PIK3AP1: variants seen among roughly 807,000 people sequenced by gnomAD.
PIK3AP1 encodes the protein phosphoinositide-3-kinase adaptor protein 1, also known as phosphoinositide 3-kinase adapter protein 1.
PIK3AP1 carries 21 observed loss-of-function variants against 88.1 expected under a neutral mutation model. That is an observed-to-expected ratio of 0.24 (90% CI 0.17 to 0.34). The LOEUF (loss-of-function observed/expected upper bound fraction) is 0.34. Ranked by LOEUF, PIK3AP1 falls within the 10% of genes least tolerant of loss-of-function variation. PIK3AP1 has a pLI of 1.00. For missense variants in PIK3AP1, 828 were observed against 1,035.7 expected (o/e 0.80, Z 2.75); for synonymous variants, 398 against 400.0 (o/e 1.00, Z 0.06).
In PIK3AP1 at chr10:96,709,844, G is replaced by A. The variant is rs1554963337; in HGVS notation, c.153C>T (p.Ala51=). 1 of 1,613,944 alleles carries A rather than the reference G, an allele frequency of 6.2e-7. No individual in the cohort carries two copies. Among genetic ancestry groups the A allele is most frequent in the Non-Finnish European group, 8.5e-7 (1 of 1,179,984 alleles). ...GGCTTAGGTCCTCTGCCGAGAAGGA[G>A]GCCTCGGGGCCCAGCCTGTGAGTCA... ...KILTHRLGPE[A]SFSAEDLSLF... is the part of the protein sequence containing the mutation. Residue 51 remains alanine, a synonymous_variant, in exon 2 of 17, where the codon GCC becomes GCT. Coordinates refer to ENST00000339364, the MANE Select transcript of PIK3AP1 (RefSeq NM_152309.3).
At chr10:96,651,429 A>G (rs1241623953) in intron 5 of PIK3AP1, 49 bp from the exon 6 acceptor site, 15 of 1,614,004 alleles carry the variant, frequency 9.3e-6, no homozygotes, top group African/African-American at 1.3e-5. Flanking sequence ...GCTCTCTTCC[A>G]TCCCGCAGAT....
intron 8 of PIK3AP1, among the ~76,000 whole-genome samples, chr10:96,636,539 G>C (rs1159828423): frequency 6.6e-6 from 1 of 152,194 alleles, no homozygotes; most frequent in Non-Finnish European, 1.5e-5. Flanking sequence ...TCTAGACAAA[G>C]AGCATTTTGG....
chr10:96,650,028 C>T (rs1379206746), intron 6 of PIK3AP1, among the ~76,000 whole-genome samples: 1 of 152,200 alleles, frequency 6.6e-6, no homozygotes, highest in African/African-American at 2.4e-5. Context: ...ATGACAAACC[C>T]AGCCTTCTAT....
chr10:96,714,569 TC>T (rs748587951), intron 1 of PIK3AP1, among the ~76,000 whole-genome samples: 30 of 152,216 alleles, frequency 2.0e-4, no homozygotes, highest in Non-Finnish European at 3.7e-4. Context: ...AATAAAAGGA[TC>T]CAGGATTCCT....
intron 16 of PIK3AP1, among the ~76,000 whole-genome samples, chr10:96,600,664 C>T (rs1258939971): frequency 1.3e-5 from 2 of 152,226 alleles, no homozygotes; most frequent in African/African-American, 2.4e-5. Context: ...GCCAGCCTCT[C>T]TTTCCAGAAC....
chr10:96,628,910 GTA>G lies in PIK3AP1; in HGVS notation c.1376-419_1376-418del, dbSNP rs1182120788. Among the ~76,000 whole-genome samples the G allele has an allele frequency of 6.3e-4, 54 of 85,694 alleles. 2 individuals carry two copies. Among genetic ancestry groups the G allele is most frequent in the African/African-American group, 2.5e-3 (53 of 21,194 alleles). The allele number at this position is 85,694 out of a possible 152,430, so 56.2% of individuals were successfully genotyped here. A position where few individuals can be genotyped will look rare whatever the true frequency, so the allele number is the denominator to read the frequency against. The stretch of plus-strand genomic sequence containing the variant: ...TATACATATATATATATATATATGT[GTA>G]TATATATATATATATATGGCAAGGT... On this transcript the variant is annotated intron_variant, in intron 8 of 16. Coordinates refer to ENST00000339364, the MANE Select transcript of PIK3AP1 (RefSeq NM_152309.3).
intron 2 of PIK3AP1, among the ~76,000 whole-genome samples, chr10:96,693,935 T>G (rs1343271685): frequency 6.6e-6 from 1 of 152,170 alleles, no homozygotes; most frequent in East Asian, 1.9e-4. Context: ...TATGAAAAAA[T>G]GACTGCCCTG....
At chr10:96,706,627 A>C (rs1844368556) in intron 2 of PIK3AP1, among the ~76,000 whole-genome samples, 2 of 152,220 alleles carry the variant, frequency 1.3e-5, no homozygotes, top group Non-Finnish European at 2.9e-5. Flanking sequence ...CTTACAGAAA[A>C]GGAAACTGGA....
intron 2 of PIK3AP1, among the ~76,000 whole-genome samples, chr10:96,704,328 C>T (rs1001755548): frequency 1.3e-5 from 2 of 152,188 alleles, no homozygotes; most frequent in African/African-American, 4.8e-5. Context: ...AGGTACATGA[C>T]CATTGACCTG....
chr10:96,653,347 G>A (rs1319925618), intron 3 of PIK3AP1, among the ~76,000 whole-genome samples: 1 of 146,678 alleles, frequency 6.8e-6, no homozygotes, highest in Non-Finnish European at 1.5e-5. Context: ...AGAGGTTGCA[G>A]TGAACCAAGA....
At chr10:96,652,551 A>C in intron 4 of PIK3AP1, 147 bp downstream of exon 4, 3 of 950,296 alleles carry the variant, frequency 3.2e-6, no homozygotes, top group Admixed American at 2.2e-5. Context: ...CCAGCCTGGG[A>C]GACAGAGCGA....
intron 2 of PIK3AP1, among the ~76,000 whole-genome samples, chr10:96,667,067 T>C (rs1187314653): frequency 1.3e-5 from 2 of 152,224 alleles, no homozygotes; most frequent in African/African-American, 2.4e-5. Flanking sequence ...TGCTGTGACC[T>C]GCCACCATGG....
rs1468211837 is a variant in PIK3AP1, at chr10:96,603,930, T to C, written c.2241+49A>G. On this transcript the variant is annotated intron_variant, in intron 15 of 16. Transcript: ENST00000339364. ...TCACCTGGGTTTCTATCTCTTGCGA[T>C]GAAACGACCCCTAGGACAGGATAGG... 3.4e-6 allele frequency: 5 copies of C among 1,468,344 alleles called. No homozygotes were observed. In the South Asian group the frequency reaches 5.1e-5, roughly 15 times the overall value. The allele number at this position is 1,468,344 out of a possible 1,614,324, so 91.0% of individuals were successfully genotyped here.
chr10:96,599,769 CA>C (rs1848852404), intron 16 of PIK3AP1, among the ~76,000 whole-genome samples: 1 of 152,112 alleles, frequency 6.6e-6, no homozygotes. Context: ...AAAATGCACC[CA>C]AACCCCAAGT....
intron 2 of PIK3AP1, among the ~76,000 whole-genome samples, chr10:96,694,370 A>G (rs972732865): frequency 1.3e-5 from 2 of 152,116 alleles, no homozygotes; most frequent in South Asian, 2.1e-4. Flanking sequence ...AGTCTCATCT[A>G]TGCCACTAAC....
intron 2 of PIK3AP1, among the ~76,000 whole-genome samples, chr10:96,682,790 A>C (rs1273582417): frequency 6.6e-6 from 1 of 152,214 alleles, no homozygotes; most frequent in Non-Finnish European, 1.5e-5. Flanking sequence ...CATCACACAG[A>C]ATTAGATACA....
chr10:96,666,011 T>C (rs1249344049), intron 2 of PIK3AP1, among the ~76,000 whole-genome samples: 1 of 152,266 alleles, frequency 6.6e-6, no homozygotes, highest in Non-Finnish European at 1.5e-5. Flanking sequence ...ATTTGCATTT[T>C]ATTTATTTTA....
chr10:96,661,216 C>A (rs1328126595), intron 2 of PIK3AP1, among the ~76,000 whole-genome samples: 1 of 151,820 alleles, frequency 6.6e-6, no homozygotes, highest in African/African-American at 2.4e-5. Context: ...TGAAAACACA[C>A]TGTAGGATTC....
intron 8 of PIK3AP1, chr10:96,633,097 G>A: frequency 1.3e-6 from 2 of 1,539,800 alleles, no homozygotes; most frequent in Admixed American, 4.0e-5. Context: ...CAACTCCAGA[G>A]GCGGAGCTTC....
Sources: gnomAD v4.1 joint callset for allele counts (sites outside exome capture counted in the v4.1 genomes callset) on GRCh38, gnomAD v4.1.1 for gene constraint, MANE v1.5 for transcripts, NCBI Gene and HGNC (gene_info 2026-07-23, HGNC 2026-07-21) for gene names.